The following PAWR variants were observed in gnomAD, a reference collection of about 807,000 sequenced individuals.
PAWR encodes the protein pro-apoptotic WT1 regulator, also known as PRKC apoptosis WT1 regulator protein.
A neutral mutation model predicts 32.0 loss-of-function variants in PAWR; 23 were observed. That is an observed-to-expected ratio of 0.72 (90% CI 0.52 to 1.02). The LOEUF (loss-of-function observed/expected upper bound fraction) is 1.02. Ranked by LOEUF, PAWR falls within the 50% of genes least tolerant of loss-of-function variation. The pLI is 0.00. For missense variants in PAWR, 457 were observed against 437.7 expected, an observed-to-expected ratio of 1.04 and a Z score of -0.39; for synonymous variants, 226 against 187.1, an observed-to-expected ratio of 1.21 and a Z score of -1.70.
At chr12:79,662,069 A>T (rs1013006216) in intron 2 of PAWR, among the ~76,000 whole-genome samples, 1 of 152,120 alleles carries the variant, frequency 6.6e-6, no homozygotes, top group Non-Finnish European at 1.5e-5. Flanking sequence ...ATCTCAGTCA[A>T]TACGCATAGT....
intron 2 of PAWR, among the ~76,000 whole-genome samples, chr12:79,676,561 T>C (rs1443422004): frequency 6.6e-6 from 1 of 152,202 alleles, no homozygotes. Flanking sequence ...TATTCTCTCT[T>C]TCTTCTAGTC....
chr12:79,677,322 G>A (rs1241600183), intron 2 of PAWR, among the ~76,000 whole-genome samples: 1 of 152,052 alleles, frequency 6.6e-6, no homozygotes, highest in Non-Finnish European at 1.5e-5. Flanking sequence ...TTTGTGGGTG[G>A]CTTCAAATAA....
intron 2 of PAWR, among the ~76,000 whole-genome samples, chr12:79,637,332 C>A (rs1192294163): frequency 6.6e-6 from 1 of 151,876 alleles, no homozygotes; most frequent in Non-Finnish European, 1.5e-5. Flanking sequence ...TCAGGGAGAC[C>A]ATGTCAATCC....
intron 2 of PAWR, among the ~76,000 whole-genome samples, chr12:79,669,304 C>G (rs1877767787): frequency 6.6e-6 from 1 of 152,156 alleles, no homozygotes; most frequent in South Asian, 2.1e-4. Flanking sequence ...AGAGAGGCCT[C>G]AGAACTTTCC....
intron 2 of PAWR, among the ~76,000 whole-genome samples, chr12:79,642,811 A>G (rs1038543050): frequency 1.5e-4 from 23 of 152,314 alleles, no homozygotes; most frequent in African/African-American, 5.1e-4. Context: ...GGAACCAAAA[A>G]TAAAACACTT....
rs1170404778 is a variant in PAWR, at chr12:79,648,617, T to TAAAA, written c.517-27414_517-27411dup. ...GGGCAACATAATGAGACCCTGTCTC[T>TAAAA]AAAAAAAAAAAAAAAAAAAAAATTA... On this transcript the variant is annotated intron_variant, in intron 2 of 6. Coordinates refer to ENST00000328827, the MANE Select transcript of PAWR (RefSeq NM_002583.4). Among the ~76,000 whole-genome samples the TAAAA allele has an allele frequency of 2.1e-3, 230 of 108,300 alleles. 2 individuals carry two copies. Among genetic ancestry groups the TAAAA allele is most frequent in the East Asian group, 0.015 (56 of 3,844 alleles). The allele number at this position is 108,300 out of a possible 152,430, so 71.0% of individuals were successfully genotyped here. A position where few individuals can be genotyped will look rare whatever the true frequency, so the allele number is the denominator to read the frequency against.
intron 2 of PAWR, among the ~76,000 whole-genome samples, chr12:79,669,428 T>G (rs765782333): frequency 2.0e-5 from 3 of 152,220 alleles, no homozygotes; most frequent in Non-Finnish European, 2.9e-5. Flanking sequence ...ATCTTATATC[T>G]TGATTATTGG....
At chr12:79,675,470 A>G (rs753249431) in intron 2 of PAWR, among the ~76,000 whole-genome samples, 1 of 152,218 alleles carries the variant, frequency 6.6e-6, no homozygotes, top group Non-Finnish European at 1.5e-5. Flanking sequence ...AATAGCAAAG[A>G]TAAGTAATCA....
chr12:79,616,603 A>G (rs966065123), intron 3 of PAWR, among the ~76,000 whole-genome samples: 1 of 152,200 alleles, frequency 6.6e-6, no homozygotes, highest in African/African-American at 2.4e-5. Flanking sequence ...ATAATTTCAC[A>G]CTTTGACCCA....
intron 2 of PAWR, among the ~76,000 whole-genome samples, chr12:79,645,491 G>C (rs533038019): frequency 1.2e-4 from 18 of 152,152 alleles, no homozygotes; most frequent in Non-Finnish European, 1.9e-4. Flanking sequence ...CATTAGTGCT[G>C]TGTAAGGGCT....
At chr12:79,684,440 A>G (rs1208604482) in intron 2 of PAWR, among the ~76,000 whole-genome samples, 2 of 152,010 alleles carry the variant, frequency 1.3e-5, no homozygotes, top group Non-Finnish European at 2.9e-5. Context: ...GCGAAACACC[A>G]TCTCTACTAA....
In PAWR at chr12:79,628,678, G is replaced by A. The variant is rs570769357; in HGVS notation, c.517-7471C>T. ...GTTTCTCTGTAAAGAAAAGGATACCGCAAGAAAATGTGGAACCACTCAAAG... is the reference window on the plus strand; with the variant it reads ...GTTTCTCTGTAAAGAAAAGGATACCACAAGAAAATGTGGAACCACTCAAAG... On this transcript the variant is annotated intron_variant, in intron 2 of 6. Transcript: ENST00000328827. 1.6e-3 allele frequency among the ~76,000 whole-genome samples: 246 copies of A among 152,136 alleles called. 1 individual carries two copies. The highest frequency in any genetic ancestry group is 5.5e-3 in the African/African-American group (230 of 41,524).
intron 2 of PAWR, among the ~76,000 whole-genome samples, chr12:79,633,426 T>C (rs1419221672): frequency 1.3e-4 from 20 of 152,160 alleles, no homozygotes; most frequent in South Asian, 2.1e-4. Flanking sequence ...GCTGAAACCA[T>C]AATGAACCAC....
At chr12:79,648,082 G>C (rs1403931191) in intron 2 of PAWR, among the ~76,000 whole-genome samples, 5 of 152,196 alleles carry the variant, frequency 3.3e-5, no homozygotes, top group Non-Finnish European at 7.4e-5. Flanking sequence ...TAACTTGCTT[G>C]CCAGCGGCTC....
rs781231900 is a variant in PAWR at position 79,588,331 on chromosome 12, A to C, written c.*4276T>G. ...TAACTTGAAGTCACATTTAAATACC[A>C]TCAACAGTTTGGTGTATCTGATATA... On this transcript the variant is annotated 3_prime_UTR_variant, in exon 7 of 7. Coordinates refer to ENST00000328827, the MANE Select transcript of PAWR (RefSeq NM_002583.4). The C allele has an allele frequency of 7.9e-5, 12 of 151,982 alleles. No individual in the cohort carries two copies. The highest frequency in any genetic ancestry group is 1.2e-4 in the Non-Finnish European group (8 of 67,842). 9.4% of individuals were successfully genotyped at this position (151,982 alleles called of 1,614,324 possible).
chr12:79,608,240 C>T (rs1359302770), intron 4 of PAWR, among the ~76,000 whole-genome samples: 1 of 152,042 alleles, frequency 6.6e-6, no homozygotes, highest in Non-Finnish European at 1.5e-5. Context: ...CTTAACTGGC[C>T]ATCCCCAACC....
intron 4 of PAWR, among the ~76,000 whole-genome samples, chr12:79,607,679 T>C (rs1874242219): frequency 1.3e-5 from 2 of 149,882 alleles, no homozygotes; most frequent in Non-Finnish European, 3.0e-5. Flanking sequence ...CAGTGAGCCA[T>C]GATTACACTA....
At chr12:79,632,112 GAC>G (rs1238774240) in intron 2 of PAWR, 1 of 119,310 alleles carries the variant, frequency 8.4e-6, no homozygotes, top group African/African-American at 3.5e-5. Context: ...CAGCCTGGGT[GAC>G]AGAGCAAGAC....
At chr12:79,598,800 C>T (rs1455448228) in intron 4 of PAWR, among the ~76,000 whole-genome samples, 1 of 152,156 alleles carries the variant, frequency 6.6e-6, no homozygotes, top group African/African-American at 2.4e-5. Flanking sequence ...CATTGAAAAG[C>T]CTTCTGGCTC....
Sources: gnomAD v4.1 joint callset for allele counts (sites outside exome capture counted in the v4.1 genomes callset) on GRCh38, gnomAD v4.1.1 for gene constraint, MANE v1.5 for transcripts, NCBI Gene and HGNC (gene_info 2026-07-23, HGNC 2026-07-21) for gene names.